PEX11G: variants seen among roughly 807,000 people sequenced by gnomAD.
The protein encoded by PEX11G is peroxisomal membrane protein 11C.
A neutral mutation model predicts 22.5 loss-of-function variants in PEX11G; 20 were observed. That is an observed-to-expected ratio of 0.89 (90% CI 0.62 to 1.29). The LOEUF (loss-of-function observed/expected upper bound fraction) is 1.29, where lower values mean the gene tolerates loss of function less well. PEX11G is among the 50% of genes most tolerant of loss of function. The pLI is 0.00. For synonymous variants in PEX11G, 141 were observed against 154.5 expected (o/e 0.91, Z 0.65); for missense variants, 347 against 331.3 (o/e 1.05, Z -0.37).
In PEX11G at chr19:7,485,820, C is replaced by T; in HGVS notation, c.249+18G>A. 6.3e-7 allele frequency: 1 copy of T among 1,578,152 alleles called. No individual in the cohort carries two copies. The highest frequency in any genetic ancestry group is 1.1e-5 in the South Asian group (1 of 88,904). On this transcript the variant is annotated intron_variant, in intron 2 of 4. Coordinates refer to ENST00000221480, the MANE Select transcript of PEX11G (RefSeq NM_080662.4). ...CAGGTCCGCACCCTACTCCCTAGAG[C>T]CCCACAAACCCTGTTACCTGTGCCC...
chr19:7,479,210 G>A (rs533566274), intron 3 of PEX11G, among the ~76,000 whole-genome samples: 13 of 152,310 alleles, frequency 8.5e-5, no homozygotes, highest in East Asian at 1.9e-4. Flanking sequence ...TGGGCCAAGC[G>A]CGATGGCTCA....
chr19:7,482,147 G>A lies in PEX11G; in HGVS notation c.314C>T (p.Pro105Leu), dbSNP rs910228682. The A allele has an allele frequency of 1.9e-6, 3 of 1,593,132 alleles. No individual in the cohort carries two copies. In the South Asian group the frequency reaches 3.4e-5, roughly 18 times the overall value. Residue 105 changes from proline (P) to leucine (L), a missense_variant, in exon 3 of 5, where the codon CCC becomes CTC. Transcript: ENST00000221480. ...AGCCGCCCAGGCCACGTGCTCACAG[G>A]GGTAGTAGAGCTGGTCAGCCAGGTT... ...LGNLADQLYYPCEHVAWAADA... is the reference protein window; with the variant it reads ...LGNLADQLYYLCEHVAWAADA...
At chr19:7,487,443 T>C (rs2021712560) in intron 1 of PEX11G, among the ~76,000 whole-genome samples, 2 of 152,192 alleles carry the variant, frequency 1.3e-5, no homozygotes, top group Admixed American at 1.3e-4. Flanking sequence ...CTTTTTTCTT[T>C]TGGAGACAGA....
At chr19:7,493,801 T>C (rs1461459202), upstream of PEX11G, among the ~76,000 whole-genome samples, 3 of 150,600 alleles carry the variant, frequency 2.0e-5, no homozygotes, top group Non-Finnish European at 4.4e-5. Context: ...AGGTCAGGAG[T>C]TGGAGACCAG....
intron 1 of PEX11G, 27 bp from the exon 2 acceptor site, chr19:7,486,053 TG>T: frequency 6.4e-7 from 1 of 1,562,474 alleles, no homozygotes; most frequent in East Asian, 2.3e-5. Context: ...GCAGTCAGTG[TG>T]GCCCTCCTGT....
intron 2 of PEX11G, 50 bp from the exon 3 acceptor site, chr19:7,482,261 C>T: frequency 6.7e-7 from 1 of 1,490,724 alleles, no homozygotes. Context: ...ACCCACTGCC[C>T]ATTTTAGCAC....
intron 1 of PEX11G, among the ~76,000 whole-genome samples, chr19:7,486,777 T>C (rs2021680626): frequency 6.6e-6 from 1 of 152,014 alleles, no homozygotes; most frequent in South Asian, 2.1e-4. Context: ...TTTTTTGTAT[T>C]TTTAGTAGAG....
chr19:7,485,718 C>A (rs2021615787), intron 2 of PEX11G, 120 bp downstream of exon 2: 2 of 913,108 alleles, frequency 2.2e-6, no homozygotes, highest in Non-Finnish European at 3.3e-6. Context: ...ATCCGCCAGC[C>A]TTGGCCTCAC....
chr19:7,493,506 T>C (rs1242260370), upstream of PEX11G, among the ~76,000 whole-genome samples: 2 of 147,352 alleles, frequency 1.4e-5, no homozygotes, highest in Non-Finnish European at 3.0e-5. Flanking sequence ...CTTTTTTTTT[T>C]CTTCTTGTTT....
At chr19:7,478,008 C>A (rs1977307266) in intron 4 of PEX11G, among the ~76,000 whole-genome samples, 1 of 152,202 alleles carries the variant, frequency 6.6e-6, no homozygotes, top group South Asian at 2.1e-4. Flanking sequence ...GGCAACAGAG[C>A]AAGACCCTGT....
intron 3 of PEX11G, among the ~76,000 whole-genome samples, chr19:7,481,496 C>A (rs1284339109): frequency 6.6e-6 from 1 of 152,210 alleles, no homozygotes; most frequent in African/African-American, 2.4e-5. Flanking sequence ...GCCACCACGC[C>A]CAACCTAAGC....
At chr19:7,481,105 A>G (rs1020060534) in intron 3 of PEX11G, among the ~76,000 whole-genome samples, 1 of 152,178 alleles carries the variant, frequency 6.6e-6, no homozygotes, top group African/African-American at 2.4e-5. Context: ...AAGTGTGGTC[A>G]GCAGAGTCAT....
chr19:7,487,006 T>A (rs1442565141), intron 1 of PEX11G, among the ~76,000 whole-genome samples: 1 of 149,802 alleles, frequency 6.7e-6, no homozygotes, highest in Non-Finnish European at 1.5e-5. Context: ...GTAATCGTGC[T>A]ACTACACTCC....
chr19:7,494,037 G>T (rs1217621783), intron 1 of PEX11G, among the ~76,000 whole-genome samples: 2 of 151,936 alleles, frequency 1.3e-5, no homozygotes, highest in African/African-American at 4.8e-5. Context: ...CTCCCAAGTA[G>T]CTAGGATTAC....
At chr19:7,477,515 C>T (rs1439944845) in intron 4 of PEX11G, 79 bp from the exon 5 acceptor site, 1 of 1,191,290 alleles carries the variant, frequency 8.4e-7, no homozygotes, top group South Asian at 1.9e-5. Flanking sequence ...CCCTGTGTGG[C>T]CTGGCAGCCC....
At chr19:7,494,776 G>A (rs572793128) in intron 1 of PEX11G, among the ~76,000 whole-genome samples, 43 of 152,228 alleles carry the variant, frequency 2.8e-4, no homozygotes, top group Non-Finnish European at 5.7e-4. Context: ...ACATGACGCC[G>A]ACATCAGACA....
At chr19:7,488,575 G>A (rs1284599852) in intron 1 of PEX11G, among the ~76,000 whole-genome samples, 1 of 152,190 alleles carries the variant, frequency 6.6e-6, no homozygotes, top group African/African-American at 2.4e-5. Context: ...CGAGGCAGGT[G>A]GATCGCTTGA....
In PEX11G at chr19:7,479,754, G is replaced by A. The variant is rs555891686; in HGVS notation, c.429-1378C>T. On this transcript the variant is annotated intron_variant, in intron 3 of 4. Coordinates refer to ENST00000221480, the MANE Select transcript of PEX11G (RefSeq NM_080662.4). ...CATTTGATTCTGCAAGGGGGGACAC[G>A]TGTCAGTGTCCAAACCCATAGGATG... 2.6e-5 allele frequency among the ~76,000 whole-genome samples: 4 copies of A among 152,344 alleles called. No individual in the cohort carries two copies. The South Asian group carries it at 6.2e-4, about 24-fold the overall frequency.
chr19:7,482,823 C>T lies in PEX11G; in HGVS notation c.250-612G>A, dbSNP rs142182824. Among the ~76,000 whole-genome samples the T allele has an allele frequency of 7.7e-4, 118 of 152,366 alleles. No homozygotes were observed. In the East Asian group the frequency reaches 9.3e-3, roughly 12 times the overall value. On this transcript the variant is annotated intron_variant, in intron 2 of 4. Coordinates refer to ENST00000221480, the MANE Select transcript of PEX11G (RefSeq NM_080662.4). Reference sequence around the variant, plus strand: ...CCCTCAACTCCGAGCAAGTTACAGACGGCCACGCTGAGGCTCTCAGGGAAA... The same window carrying T: ...CCCTCAACTCCGAGCAAGTTACAGATGGCCACGCTGAGGCTCTCAGGGAAA...
Sources: gnomAD v4.1 joint callset for allele counts (sites outside exome capture counted in the v4.1 genomes callset) on GRCh38, gnomAD v4.1.1 for gene constraint, MANE v1.5 for transcripts, NCBI Gene and HGNC (gene_info 2026-07-23, HGNC 2026-07-21) for gene names.